NRXN1: variants seen among roughly 807,000 people sequenced by gnomAD.
The protein encoded by NRXN1 is neurexin-1.
A neutral mutation model predicts 150.9 loss-of-function variants in NRXN1; 39 were observed. The ratio of observed to expected loss-of-function variants is 0.26; its 90% CI spans 0.20 to 0.34. The LOEUF is 0.34. Ranked by LOEUF, NRXN1 falls within the 10% of genes least tolerant of loss-of-function variation. NRXN1 has a pLI of 1.00. For synonymous variants in NRXN1, 924 were observed against 757.0 expected (o/e 1.22, Z -3.62); for missense variants, 1,815 against 1,949.9 (o/e 0.93, Z 1.30).
chr2:50,037,324 A>G (rs529871510), intron 21 of NRXN1, among the ~76,000 whole-genome samples: 2 of 53,366 alleles, frequency 3.7e-5, no homozygotes, highest in South Asian at 4.3e-4. Context: ...TATAAAAAAA[A>G]TTTTTGAAGT....
chr2:50,404,726 T>C lies in NRXN1; in HGVS notation c.3364+60716A>G, dbSNP rs190697175. On this transcript the variant is annotated intron_variant, in intron 17 of 22. Transcript: ENST00000401669. ...CCTTTGAAAGTATTGAAAAGTCATA[T>C]GTTTCCAATCACTAAAGTTGGACAT... Among the ~76,000 whole-genome samples, 3 of 152,248 alleles carry C rather than the reference T, an allele frequency of 2.0e-5. No individual in the cohort carries two copies. The East Asian group carries it at 5.8e-4, about 29-fold the overall frequency.
chr2:50,443,053 T>C (rs1396128834), intron 17 of NRXN1, among the ~76,000 whole-genome samples: 1 of 152,140 alleles, frequency 6.6e-6, no homozygotes, highest in Non-Finnish European at 1.5e-5. Flanking sequence ...TAATTGACAT[T>C]AGGTTTTATT....
chr2:50,973,992 T>C (rs1695428056), intron 2 of NRXN1, among the ~76,000 whole-genome samples: 1 of 125,798 alleles, frequency 7.9e-6, no homozygotes, highest in South Asian at 2.5e-4. Context: ...AGATAATACA[T>C]CTGATGTAAA....
intron 15 of NRXN1, among the ~76,000 whole-genome samples, chr2:50,486,606 G>C (rs2090892928): frequency 6.6e-6 from 1 of 152,086 alleles, no homozygotes; most frequent in African/African-American, 2.4e-5. Flanking sequence ...AACTCTAAGG[G>C]GAAGCCAGTG....
chr2:50,036,410 C>G (rs567318044), intron 21 of NRXN1, among the ~76,000 whole-genome samples: 3 of 152,058 alleles, frequency 2.0e-5, no homozygotes, highest in Non-Finnish European at 4.4e-5. Flanking sequence ...TTATAAATTA[C>G]CCTGTCTCAA....
intron 18 of NRXN1, among the ~76,000 whole-genome samples, chr2:50,098,545 A>G (rs1700543603): frequency 6.6e-6 from 1 of 152,084 alleles, no homozygotes; most frequent in South Asian, 2.1e-4. Context: ...ACTACTCACT[A>G]TGTGCCAGGT....
rs778554031 is a variant in NRXN1, at chr2:49,994,077, C to T, written c.4129-50286G>A. Among the ~76,000 whole-genome samples, 8 of 152,066 alleles carry T rather than the reference C, an allele frequency of 5.3e-5. No homozygotes were observed. In the South Asian group the frequency reaches 6.2e-4, roughly 12 times the overall value. On this transcript the variant is annotated intron_variant, in intron 21 of 22. Transcript: ENST00000401669. Reference sequence around the variant, plus strand: ...ATAAACCACTGCTTCAGAATCACACCGGGGATCCTCTGTTTCCCTTCACAA... The same window carrying T: ...ATAAACCACTGCTTCAGAATCACACTGGGGATCCTCTGTTTCCCTTCACAA...
At chr2:50,701,945 G>T (rs539957645) in intron 5 of NRXN1, among the ~76,000 whole-genome samples, 1 of 151,808 alleles carries the variant, frequency 6.6e-6, no homozygotes, top group Non-Finnish European at 1.5e-5. Flanking sequence ...TTGCTTTTTC[G>T]TATATTTGAT....
At chr2:50,683,705 A>G (rs1359009456) in intron 5 of NRXN1, among the ~76,000 whole-genome samples, 1 of 137,706 alleles carries the variant, frequency 7.3e-6, no homozygotes, top group Non-Finnish European at 1.6e-5. Context: ...AAAGTACAGT[A>G]GTTTAGTGTG....
intron 21 of NRXN1, among the ~76,000 whole-genome samples, chr2:49,952,920 A>C (rs1674236283): frequency 6.6e-6 from 1 of 152,158 alleles, no homozygotes; most frequent in East Asian, 1.9e-4. Context: ...TTTATTAGCC[A>C]TATTGGTAGT....
At chr2:50,664,027 G>A (rs977389967) in intron 5 of NRXN1, among the ~76,000 whole-genome samples, 3 of 151,874 alleles carry the variant, frequency 2.0e-5, no homozygotes, top group African/African-American at 7.3e-5. Flanking sequence ...CTCCTACTAT[G>A]GTCAGGCACT....
intron 18 of NRXN1, among the ~76,000 whole-genome samples, chr2:50,188,959 C>T (rs553722322): frequency 7.2e-5 from 11 of 152,230 alleles, no homozygotes; most frequent in Admixed American, 1.3e-4. Flanking sequence ...GACAGTGTGG[C>T]GATTCCTCAA....
chr2:50,348,919 C>T (rs2078230633), intron 17 of NRXN1, among the ~76,000 whole-genome samples: 2 of 151,956 alleles, frequency 1.3e-5, no homozygotes, highest in Admixed American at 1.3e-4. Context: ...AGCTTCTCAC[C>T]ATCTACATAA....
intron 17 of NRXN1, among the ~76,000 whole-genome samples, chr2:50,320,283 CAT>C (rs61282635): frequency 0.071 from 3,020 of 42,548 alleles, 46 homozygotes; most frequent in Non-Finnish European, 0.1. Flanking sequence ...ATACCTCAAT[CAT>C]ATATATATAT....
At chr2:50,438,580 G>A (rs749399047) in intron 17 of NRXN1, among the ~76,000 whole-genome samples, 9 of 152,204 alleles carry the variant, frequency 5.9e-5, no homozygotes, top group Non-Finnish European at 1.3e-4. Context: ...CTCACATTAT[G>A]AGTGTGTTTG....
At chr2:50,666,267 T>C (rs1298795753) in intron 5 of NRXN1, among the ~76,000 whole-genome samples, 2 of 151,978 alleles carry the variant, frequency 1.3e-5, no homozygotes, top group South Asian at 2.1e-4. Context: ...ATTTCTTGCA[T>C]GTATATGCCA....
At chr2:50,899,241 G>A (rs535765598) in intron 5 of NRXN1, among the ~76,000 whole-genome samples, 11 of 152,200 alleles carry the variant, frequency 7.2e-5, no homozygotes, top group South Asian at 4.1e-4. Context: ...TGAATTAGCC[G>A]GATTCCACCG....
chr2:51,031,238 T>G (rs891994700), intron 1 of NRXN1, among the ~76,000 whole-genome samples: 2 of 152,146 alleles, frequency 1.3e-5, no homozygotes, highest in Non-Finnish European at 2.9e-5. Flanking sequence ...CTGAAAAACA[T>G]CCTTACTGCA....
At chr2:50,289,120 G>A (rs1380213311) in intron 17 of NRXN1, among the ~76,000 whole-genome samples, 1 of 152,202 alleles carries the variant, frequency 6.6e-6, no homozygotes, top group Non-Finnish European at 1.5e-5. Context: ...GCTTGGTTTG[G>A]GAAATGACTT....
Sources: gnomAD v4.1 joint callset for allele counts (sites outside exome capture counted in the v4.1 genomes callset) on GRCh38, gnomAD v4.1.1 for gene constraint, MANE v1.5 for transcripts, NCBI Gene and HGNC (gene_info 2026-07-23, HGNC 2026-07-21) for gene names.